Variants in IRAK2 observed in about 807,000 individuals in gnomAD.
The protein encoded by IRAK2 is interleukin 1 receptor associated kinase 2, also known as interleukin-1 receptor-associated kinase-like 2.
In IRAK2, 57 loss-of-function variants were observed where a neutral mutation model predicts 72.0. The ratio of observed to expected loss-of-function variants is 0.79; its 90% CI spans 0.64 to 0.99. IRAK2 has a LOEUF of 0.99. Among genes scored for constraint, IRAK2 ranks in the 50% least tolerant of loss-of-function variants. IRAK2 has a pLI of 0.00. For missense variants in IRAK2, 790 were observed against 794.4 expected (o/e 0.99, Z 0.07); for synonymous variants, 293 against 312.7 (o/e 0.94, Z 0.67).
intron 8 of IRAK2, among the ~76,000 whole-genome samples, chr3:10,222,175 A>T (rs555687272): frequency 6.6e-6 from 1 of 152,308 alleles, no homozygotes; most frequent in East Asian, 1.9e-4. Flanking sequence ...GGCGTGAGCC[A>T]CTGTGCCCGG....
chr3:10,212,452 T>A (rs1697535659), intron 4 of IRAK2, among the ~76,000 whole-genome samples: 1 of 151,972 alleles, frequency 6.6e-6, no homozygotes, highest in South Asian at 2.1e-4. Flanking sequence ...TTCCCAGGAG[T>A]CTGGAACCCC....
chr3:10,193,719 C>A (rs1044735861), intron 2 of IRAK2, among the ~76,000 whole-genome samples: 1 of 152,248 alleles, frequency 6.6e-6, no homozygotes, highest in Non-Finnish European at 1.5e-5. Context: ...CTGTTCCTTC[C>A]GTCACCTGCG....
intron 3 of IRAK2, among the ~76,000 whole-genome samples, chr3:10,205,208 TG>T (rs1697417122): frequency 6.6e-6 from 1 of 152,020 alleles, no homozygotes; most frequent in Non-Finnish European, 1.5e-5. Context: ...GGACATACAG[TG>T]GGGGCCTTTA....
chr3:10,178,171 T>C, intron 2 of IRAK2, 151 bp downstream of exon 2: 1 of 692,478 alleles, frequency 1.4e-6, no homozygotes, highest in Non-Finnish European at 2.4e-6. Flanking sequence ...AAGAAACTGG[T>C]AACAGGCCAG....
chr3:10,191,076 C>T (rs1403867448), intron 2 of IRAK2, among the ~76,000 whole-genome samples: 4 of 152,040 alleles, frequency 2.6e-5, no homozygotes, highest in Non-Finnish European at 2.9e-5. Context: ...CGGCGGATCA[C>T]AAGGTCAGGA....
intron 10 of IRAK2, among the ~76,000 whole-genome samples, chr3:10,233,927 C>A (rs889952580): frequency 5.3e-5 from 8 of 152,098 alleles, no homozygotes; most frequent in Non-Finnish European, 1.2e-4. Flanking sequence ...CAGCTCATTG[C>A]AGCCTCCGCC....
chr3:10,200,293 G>A, intron 2 of IRAK2, 76 bp from the exon 3 acceptor site: 1 of 1,316,544 alleles, frequency 7.6e-7, no homozygotes, highest in Non-Finnish European at 1.0e-6. Context: ...CCAGGTCTCT[G>A]ACTTCCAGAA....
chr3:10,184,615 A>G lies in IRAK2; in HGVS notation c.277+6595A>G, dbSNP rs563523952. On this transcript the variant is annotated intron_variant, in intron 2 of 12. Transcript: ENST00000256458. ...CAGGAAGCCACAATAAAAAACTCCT[A>G]CTTGAGATGAGAAACACGAGGTAGT... Among the ~76,000 whole-genome samples the G allele has an allele frequency of 2.6e-5, 4 of 151,230 alleles. No homozygotes were observed. The East Asian group carries it at 7.7e-4, about 29-fold the overall frequency.
At chr3:10,233,887 C>A (rs1024532810) in intron 10 of IRAK2, among the ~76,000 whole-genome samples, 1 of 152,098 alleles carries the variant, frequency 6.6e-6, no homozygotes, top group Non-Finnish European at 1.5e-5. Flanking sequence ...ATCTCGCTGT[C>A]ACCTAGGCTG....
Position 10,203,931 on chromosome 3 carries a change from A to T in IRAK2, c.424+3416A>T, listed in dbSNP as rs1697400294. On this transcript the variant is annotated intron_variant, in intron 3 of 12. Coordinates refer to ENST00000256458, the MANE Select transcript of IRAK2 (RefSeq NM_001570.4). ...GCCACCGCGCCTGGCTGAGGAGGAA[A>T]ATATGTGAGCAGAGGAGCCATGGAT... Among the ~76,000 whole-genome samples the T allele has an allele frequency of 2.0e-5, 3 of 152,308 alleles. No homozygotes were observed. In the South Asian group the frequency reaches 6.2e-4, roughly 32 times the overall value.
intron 3 of IRAK2, among the ~76,000 whole-genome samples, chr3:10,203,750 G>A (rs1022123212): frequency 6.6e-6 from 1 of 152,212 alleles, no homozygotes; most frequent in Admixed American, 6.5e-5. Flanking sequence ...TCCTGCCTCA[G>A]CCTCCCGAGT....
chr3:10,194,790 A>T (rs1697238438), intron 2 of IRAK2, among the ~76,000 whole-genome samples: 1 of 152,150 alleles, frequency 6.6e-6, no homozygotes, highest in Non-Finnish European at 1.5e-5. Flanking sequence ...CGCACCATTT[A>T]TTGCTTGCAT....
intron 6 of IRAK2, among the ~76,000 whole-genome samples, chr3:10,214,720 G>A (rs904702530): frequency 2.6e-5 from 4 of 152,024 alleles, no homozygotes; most frequent in African/African-American, 7.2e-5. Flanking sequence ...TGAGGCAAGA[G>A]GATTCCTTGA....
intron 4 of IRAK2, among the ~76,000 whole-genome samples, chr3:10,212,734 T>C (rs1382943594): frequency 6.6e-6 from 1 of 150,958 alleles, no homozygotes; most frequent in African/African-American, 2.4e-5. Context: ...CAGATGGAGC[T>C]GGGATTTGAG....
chr3:10,164,922 C>G lies in IRAK2; in HGVS notation c.-33C>G, dbSNP rs756817971. 6.6e-7 allele frequency: 1 copy of G among 1,521,366 alleles called. No homozygotes were observed. Among genetic ancestry groups the G allele is most frequent in the African/African-American group, 1.4e-5 (1 of 72,004 alleles). The allele number at this position is 1,521,366 out of a possible 1,614,324, so 94.2% of individuals were successfully genotyped here. On this transcript the variant is annotated 5_prime_UTR_variant, in exon 1 of 13. Coordinates refer to ENST00000256458, the MANE Select transcript of IRAK2 (RefSeq NM_001570.4). ...CGCAGCCCGCAGTGTCCGACCCAGTCGTCCCGCGCCGGAGCCGGCCCCGTA... is the reference window on the plus strand; with the variant it reads ...CGCAGCCCGCAGTGTCCGACCCAGTGGTCCCGCGCCGGAGCCGGCCCCGTA...
rs181422595 is a variant in IRAK2 at position 10,243,144 on chromosome 3, C to T, written c.*916C>T. On this transcript the variant is annotated 3_prime_UTR_variant, in exon 13 of 13. Transcript: ENST00000256458. The stretch of plus-strand genomic sequence containing the variant: ...CTGCCTCTCAGGTTCAAGTGATTCT[C>T]CTGCCTCAGCCTCCTGAGTAGATGG... The T allele has an allele frequency of 8.0e-3, 1,226 of 152,360 alleles. 6 individuals carry two copies. Among genetic ancestry groups the T allele is most frequent in the Non-Finnish European group, 0.015 (989 of 68,078 alleles). 9.4% of individuals were successfully genotyped at this position (152,360 alleles called of 1,614,324 possible).
At chr3:10,240,715 A>G (rs919049555) in intron 12 of IRAK2, among the ~76,000 whole-genome samples, 34 of 150,756 alleles carry the variant, frequency 2.3e-4, no homozygotes, top group Admixed American at 2.0e-3. Flanking sequence ...ATGTGCCACC[A>G]TGCCTGGCTA....
In IRAK2 at chr3:10,234,987, C is replaced by T. The variant is rs993359760; in HGVS notation, c.1473+328C>T. ...TGTTCTCTGGAGGGAACGGCTCTGC[C>T]CGCAGTTTATAACAGAGAGATGAGC... is the stretch of plus-strand genomic sequence containing the variant. On this transcript the variant is annotated intron_variant, in intron 11 of 12. Coordinates refer to ENST00000256458, the MANE Select transcript of IRAK2 (RefSeq NM_001570.4). 4.6e-5 allele frequency among the ~76,000 whole-genome samples: 7 copies of T among 152,318 alleles called. No homozygotes were observed. In the East Asian group the frequency reaches 1.4e-3, roughly 29 times the overall value.
At chr3:10,211,384 C>T (rs1407182719) in intron 4 of IRAK2, among the ~76,000 whole-genome samples, 2 of 117,258 alleles carry the variant, frequency 1.7e-5, no homozygotes, top group African/African-American at 3.3e-5. Flanking sequence ...TCAGAGGATC[C>T]GCCTGCCTTG....
Sources: gnomAD v4.1 joint callset for allele counts (sites outside exome capture counted in the v4.1 genomes callset) on GRCh38, gnomAD v4.1.1 for gene constraint, MANE v1.5 for transcripts, NCBI Gene and HGNC (gene_info 2026-07-23, HGNC 2026-07-21) for gene names.